IGF1R: variants seen among roughly 807,000 people sequenced by gnomAD.
IGF1R encodes insulin-like growth factor 1 receptor.
IGF1R carries 44 observed loss-of-function variants against 144.6 expected under a neutral mutation model. The observed-to-expected ratio is 0.30, with a 90% CI of 0.24 to 0.39. IGF1R has a LOEUF of 0.39. Among genes scored for constraint, IGF1R ranks in the 10% least tolerant of loss-of-function variants. The pLI is 1.00. For synonymous variants in IGF1R, 795 were observed against 722.8 expected (o/e 1.10, Z -1.60); for missense variants, 1,355 against 1,833.7 (o/e 0.74, Z 4.77).
At chr15:98,913,587 G>A (rs1452019189) in intron 8 of IGF1R, among the ~76,000 whole-genome samples, 1 of 152,162 alleles carries the variant, frequency 6.6e-6, no homozygotes. Context: ...AGCTGCCCTT[G>A]TTTCTTGTTT....
chr15:98,909,208 G>A (rs758345125), intron 6 of IGF1R, among the ~76,000 whole-genome samples: 38 of 151,002 alleles, frequency 2.5e-4, no homozygotes, highest in Non-Finnish European at 4.7e-4. Context: ...ATACACAGGT[G>A]CACAGTTAGA....
intron 1 of IGF1R, among the ~76,000 whole-genome samples, chr15:98,703,458 G>T (rs1198120236): frequency 1.3e-5 from 2 of 152,084 alleles, no homozygotes; most frequent in East Asian, 3.9e-4. Context: ...CTTTTTCACT[G>T]TTTCTATCAC....
At chr15:98,732,470 T>A (rs2054516585) in intron 2 of IGF1R, among the ~76,000 whole-genome samples, 1 of 152,112 alleles carries the variant, frequency 6.6e-6, no homozygotes, top group South Asian at 2.1e-4. Context: ...CGAGCAGATC[T>A]GTGTTTCCTG....
intron 2 of IGF1R, among the ~76,000 whole-genome samples, chr15:98,858,832 C>G (rs1485009834): frequency 6.6e-6 from 1 of 152,228 alleles, no homozygotes; most frequent in Non-Finnish European, 1.5e-5. Context: ...CAAACTTCCT[C>G]TTTCCAAACT....
intron 2 of IGF1R, among the ~76,000 whole-genome samples, chr15:98,790,910 A>G (rs978426510): frequency 6.6e-6 from 1 of 152,196 alleles, no homozygotes; most frequent in African/African-American, 2.4e-5. Context: ...GCAGAAAGTG[A>G]CGTTGGTTAA....
intron 2 of IGF1R, among the ~76,000 whole-genome samples, chr15:98,814,142 A>G (rs1225800154): frequency 2.0e-5 from 3 of 152,254 alleles, no homozygotes; most frequent in African/African-American, 7.2e-5. Context: ...AACCATACAT[A>G]GCAAATGGAG....
At chr15:98,920,325 C>G (rs1035957052) in intron 10 of IGF1R, among the ~76,000 whole-genome samples, 1 of 152,194 alleles carries the variant, frequency 6.6e-6, no homozygotes, top group African/African-American at 2.4e-5. Context: ...GCCTTGATGT[C>G]ATCAGCATTG....
At position 98,933,585 on chromosome 15, in the gene IGF1R, A is replaced by G. The variant is rs117309552; in HGVS notation, c.2957-1239A>G. 4.4e-3 allele frequency among the ~76,000 whole-genome samples: 669 copies of G among 152,230 alleles called. 6 individuals carry two copies. Among genetic ancestry groups the G allele is most frequent in the Non-Finnish European group, 7.3e-3 (494 of 68,010 alleles). ...TTCCTGGGCTCAAGCGATCCTCCCA[A>G]CTTGGCCTACGATTACAGGCATGAG... On this transcript the variant is annotated intron_variant, in intron 15 of 20. Coordinates refer to ENST00000650285, the MANE Select transcript of IGF1R (RefSeq NM_000875.5).
intron 5 of IGF1R, among the ~76,000 whole-genome samples, chr15:98,907,401 T>C (rs2014784459): frequency 6.6e-6 from 1 of 152,226 alleles, no homozygotes; most frequent in African/African-American, 2.4e-5. Context: ...GGTTCTGTTT[T>C]GTCCTGGCTA....
At chr15:98,915,862 C>T (rs2151680947) in intron 8 of IGF1R, 102 bp from the exon 9 acceptor site, 12 of 1,012,332 alleles carry the variant, frequency 1.2e-5, no homozygotes, top group Non-Finnish European at 1.9e-5. Context: ...ATTTTCTTAT[C>T]CAGGTCAAAC....
At chr15:98,671,178 A>G (rs2052881099) in intron 1 of IGF1R, among the ~76,000 whole-genome samples, 1 of 152,234 alleles carries the variant, frequency 6.6e-6, no homozygotes, top group Non-Finnish European at 1.5e-5. Flanking sequence ...CATGTCTGAA[A>G]GCATTCATGC....
At chr15:98,780,474 G>T (rs1015661768) in intron 2 of IGF1R, among the ~76,000 whole-genome samples, 1 of 147,406 alleles carries the variant, frequency 6.8e-6, no homozygotes, top group Non-Finnish European at 1.5e-5. Flanking sequence ...GCTTGAACCC[G>T]GGAGGTGGAG....
intron 2 of IGF1R, among the ~76,000 whole-genome samples, chr15:98,766,135 G>A (rs2055432639): frequency 1.3e-5 from 2 of 152,214 alleles, no homozygotes; most frequent in Non-Finnish European, 2.9e-5. Context: ...GTTCAAGGCC[G>A]TCAAGTGTGC....
rs1555457179 is a variant in IGF1R at position 98,888,438 on chromosome 15, A to AGAGAGAGTGTGTGTGTGTGT, written c.641-2886_641-2885insAGAGAGTGTGTGTGTGTGTG. Among the ~76,000 whole-genome samples the AGAGAGAGTGTGTGTGTGTGT allele has an allele frequency of 3.2e-3, 464 of 143,448 alleles. 1 individual carries two copies. Among genetic ancestry groups the AGAGAGAGTGTGTGTGTGTGT allele is most frequent in the African/African-American group, 0.011 (442 of 38,772 alleles). The allele number at this position is 143,448 out of a possible 152,430, so 94.1% of individuals were successfully genotyped here. A position where few individuals can be genotyped will look rare whatever the true frequency, so the allele number is the denominator to read the frequency against. On this transcript the variant is annotated intron_variant, in intron 2 of 20. Coordinates refer to ENST00000650285, the MANE Select transcript of IGF1R (RefSeq NM_000875.5). ...TGGGGGTTTGATGAGAGAGAGAGAG[A>AGAGAGAGTGTGTGTGTGTGT]GTGTGTGTGTGTGTGTGTGTGTGTG... is the stretch of plus-strand genomic sequence containing the variant.
intron 2 of IGF1R, among the ~76,000 whole-genome samples, chr15:98,853,196 T>A (rs1257772012): frequency 6.6e-6 from 1 of 152,186 alleles, no homozygotes; most frequent in East Asian, 1.9e-4. Context: ...TTGAAATATG[T>A]TTCCTCCCTT....
At chr15:98,772,500 T>TATA (rs1339134583) in intron 2 of IGF1R, among the ~76,000 whole-genome samples, 2 of 102,462 alleles carry the variant, frequency 2.0e-5, no homozygotes, top group African/African-American at 6.5e-5. Flanking sequence ...TTATTATTAT[T>TATA]ATTATTATTA....
At chr15:98,884,897 C>G (rs1001262276) in intron 2 of IGF1R, among the ~76,000 whole-genome samples, 1 of 152,064 alleles carries the variant, frequency 6.6e-6, no homozygotes, top group Non-Finnish European at 1.5e-5. Flanking sequence ...AAAGGCTGTT[C>G]CAGGCTCTCC....
chr15:98,649,525 C>CTTTTTTTTTTTTTT lies in IGF1R; in HGVS notation c.-46_-33dup. 17 of 723,786 alleles carry CTTTTTTTTTTTTTT rather than the reference C, an allele frequency of 2.3e-5. No individual in the cohort carries two copies. The highest frequency in any genetic ancestry group is 1.6e-4 in the East Asian group (5 of 31,486). The allele number at this position is 723,786 out of a possible 1,614,324, so 44.8% of individuals were successfully genotyped here. On this transcript the variant is annotated 5_prime_UTR_variant, in exon 1 of 21. Coordinates refer to ENST00000650285, the MANE Select transcript of IGF1R (RefSeq NM_000875.5). ...TCATTTCCTTTTTTTCTTTTCTTTT[C>CTTTTTTTTTTTTTT]TTTTTTTTTTTTTTTTTTTTTTTTG...
At chr15:98,794,356 A>T (rs1476632912) in intron 2 of IGF1R, among the ~76,000 whole-genome samples, 7 of 152,106 alleles carry the variant, frequency 4.6e-5, no homozygotes, top group Non-Finnish European at 1.0e-4. Context: ...TCTGTATTAG[A>T]ATGGAGGTAT....
Sources: gnomAD v4.1 joint callset for allele counts (sites outside exome capture counted in the v4.1 genomes callset) on GRCh38, gnomAD v4.1.1 for gene constraint, MANE v1.5 for transcripts, NCBI Gene and HGNC (gene_info 2026-07-23, HGNC 2026-07-21) for gene names.